The following ZSWIM6 variants were observed in gnomAD, a reference collection of about 807,000 sequenced individuals.
ZSWIM6 encodes zinc finger SWIM-type containing 6.
Under a neutral mutation model 113.2 loss-of-function variants are expected in ZSWIM6, and 9 were observed. That is an observed-to-expected ratio of 0.08 (90% CI 0.05 to 0.14). The LOEUF (loss-of-function observed/expected upper bound fraction) is 0.14, where lower values mean the gene tolerates loss of function less well. ZSWIM6 is among the 10% of genes least tolerant of loss of function. The pLI is 1.00. For missense variants in ZSWIM6, 1,162 were observed against 1,552.2 expected (o/e 0.75, Z 4.22); for synonymous variants, 611 against 606.5 (o/e 1.01, Z -0.11).
intron 1 of ZSWIM6, among the ~76,000 whole-genome samples, chr5:61,460,073 CTT>C (rs1385329064): frequency 6.6e-6 from 1 of 152,202 alleles, no homozygotes; most frequent in Non-Finnish European, 1.5e-5. Context: ...AGAAGGTTGA[CTT>C]TCAACGATGT....
At chr5:61,471,044 C>T (rs1355781110) in intron 1 of ZSWIM6, among the ~76,000 whole-genome samples, 2 of 152,176 alleles carry the variant, frequency 1.3e-5, no homozygotes, top group Non-Finnish European at 2.9e-5. Context: ...ACCACCCGTT[C>T]CAGAGTCCCC....
chr5:61,545,858 G>A lies in ZSWIM6; in HGVS notation c.*1541G>A, dbSNP rs1749874788. ...GTTCTGTAACCTTGTGCTTTTTAAAGCAATTTTTATGTTTTGGTGCAAAAG... is the reference window on the plus strand; with the variant it reads ...GTTCTGTAACCTTGTGCTTTTTAAAACAATTTTTATGTTTTGGTGCAAAAG... On this transcript the variant is annotated 3_prime_UTR_variant, in exon 14 of 14. Transcript: ENST00000252744. The A allele has an allele frequency of 6.6e-6, 1 of 151,966 alleles. No individual in the cohort carries two copies. The highest frequency in any genetic ancestry group is 1.5e-5 in the Non-Finnish European group (1 of 67,986). The allele number at this position is 151,966 out of a possible 1,614,324, so 9.4% of individuals were successfully genotyped here. A position where few individuals can be genotyped will look rare whatever the true frequency, so the allele number is the denominator to read the frequency against.
intron 1 of ZSWIM6, among the ~76,000 whole-genome samples, chr5:61,358,102 G>A (rs1744957678): frequency 6.6e-6 from 1 of 152,084 alleles, no homozygotes; most frequent in Non-Finnish European, 1.5e-5. Flanking sequence ...TTTGCCTCTA[G>A]TTATTTCCTT....
At chr5:61,538,192 T>C (rs1490897233) in intron 10 of ZSWIM6, among the ~76,000 whole-genome samples, 1 of 152,218 alleles carries the variant, frequency 6.6e-6, no homozygotes, top group Non-Finnish European at 1.5e-5. Flanking sequence ...GACAGACACT[T>C]AGGTCACATT....
intron 1 of ZSWIM6, among the ~76,000 whole-genome samples, chr5:61,456,624 G>C (rs1286538896): frequency 6.6e-6 from 1 of 152,140 alleles, no homozygotes; most frequent in East Asian, 1.9e-4. Flanking sequence ...TGTATATAAA[G>C]GTAACTTTGA....
chr5:61,433,755 G>A (rs1012546210), intron 1 of ZSWIM6, among the ~76,000 whole-genome samples: 34 of 152,110 alleles, frequency 2.2e-4, no homozygotes, highest in African/African-American at 7.2e-4. Context: ...GATTACAGGC[G>A]TGAGCCACCG....
intron 1 of ZSWIM6, among the ~76,000 whole-genome samples, chr5:61,334,019 G>T (rs962049497): frequency 6.6e-6 from 1 of 152,144 alleles, no homozygotes; most frequent in Non-Finnish European, 1.5e-5. Flanking sequence ...GTTTTTTTGT[G>T]CCCCTTTCAG....
rs1471525956 is a variant in ZSWIM6, at chr5:61,472,128, T to C, written c.677-553T>C. Among the ~76,000 whole-genome samples, 1 of 152,220 alleles carries C rather than the reference T, an allele frequency of 6.6e-6. No individual in the cohort carries two copies. Among genetic ancestry groups the C allele is most frequent in the African/African-American group, 2.4e-5 (1 of 41,450 alleles). ...ACATTATGCATGTTGCAGAAAGGAT[T>C]GTCAAATTTAAAAATTTATCTGATC... On this transcript the variant is annotated intron_variant, in intron 1 of 13. Transcript: ENST00000252744. This position sits in a 1 kb window ranked among gnomAD's most constrained non-coding sequence, Gnocchi z 4.1.
chr5:61,495,251 A>G (rs1476097403), intron 4 of ZSWIM6, among the ~76,000 whole-genome samples: 1 of 152,120 alleles, frequency 6.6e-6, no homozygotes, highest in East Asian at 1.9e-4. Context: ...AGTCTAAACC[A>G]AACGATGCTG....
intron 2 of ZSWIM6, among the ~76,000 whole-genome samples, chr5:61,477,117 C>T (rs1747727390): frequency 6.6e-6 from 1 of 152,114 alleles, no homozygotes; most frequent in South Asian, 2.1e-4. Context: ...GCACATATTT[C>T]CTCTCCTACG....
chr5:61,349,492 G>A (rs1046004321), intron 1 of ZSWIM6, among the ~76,000 whole-genome samples: 1 of 152,194 alleles, frequency 6.6e-6, no homozygotes, highest in East Asian at 1.9e-4. Flanking sequence ...CTGTGGCATA[G>A]TCTTTGAGGG....
chr5:61,374,885 T>C (rs1287798066), intron 1 of ZSWIM6, among the ~76,000 whole-genome samples: 1 of 152,110 alleles, frequency 6.6e-6, no homozygotes, highest in Non-Finnish European at 1.5e-5. Context: ...ATAAGCTCCC[T>C]AAATTTGTCT....
At chr5:61,439,727 C>T (rs952359780) in intron 1 of ZSWIM6, among the ~76,000 whole-genome samples, 12 of 152,096 alleles carry the variant, frequency 7.9e-5, no homozygotes, top group African/African-American at 2.7e-4. Context: ...TGTTTGTGCA[C>T]GCACCAATAA....
intron 1 of ZSWIM6, among the ~76,000 whole-genome samples, chr5:61,423,276 C>T (rs997444434): frequency 6.6e-6 from 1 of 151,940 alleles, no homozygotes; most frequent in Non-Finnish European, 1.5e-5. Context: ...GACATGGTGG[C>T]GGATGCCTGT....
intron 1 of ZSWIM6, among the ~76,000 whole-genome samples, chr5:61,417,978 C>T (rs1236823552): frequency 6.6e-6 from 1 of 152,036 alleles, no homozygotes; most frequent in Non-Finnish European, 1.5e-5. Context: ...TCTAATCAGT[C>T]CATCAATTTA....
chr5:61,339,755 T>A (rs1744495723), intron 1 of ZSWIM6, among the ~76,000 whole-genome samples: 1 of 152,240 alleles, frequency 6.6e-6, no homozygotes, highest in South Asian at 2.1e-4. Flanking sequence ...AAACCGTTTT[T>A]AGCTACCTTT....
intron 1 of ZSWIM6, chr5:61,391,012 C>T (rs886551365): frequency 5.7e-5 from 43 of 752,244 alleles, no homozygotes; most frequent in Non-Finnish European, 8.8e-5. Flanking sequence ...GTATCCCTGG[C>T]TGATCTTATA....
At chr5:61,482,685 G>GAGT (rs966783142) in intron 2 of ZSWIM6, among the ~76,000 whole-genome samples, 19 of 152,104 alleles carry the variant, frequency 1.2e-4, no homozygotes, top group African/African-American at 4.6e-4. Flanking sequence ...GCAGTCTTAT[G>GAGT]AGTAAGTCAG....
intron 9 of ZSWIM6, among the ~76,000 whole-genome samples, chr5:61,532,645 ATACTT>A (rs1439740623): frequency 1.3e-5 from 2 of 152,218 alleles, no homozygotes; most frequent in African/African-American, 2.4e-5. Context: ...TTCTTCAAAC[ATACTT>A]TACTTTTATA....
Sources: allele counts gnomAD v4.1 joint callset (sites outside exome capture counted in the v4.1 genomes callset), GRCh38; gene constraint gnomAD v4.1.1; non-coding constraint Gnocchi (gnomAD v3.1); transcripts MANE v1.5; gene names NCBI Gene and HGNC (gene_info 2026-07-23, HGNC 2026-07-21).